Variants in KIAA0825 observed in about 807,000 individuals in gnomAD.
KIAA0825 encodes uncharacterized protein KIAA0825.
In KIAA0825, 119 loss-of-function variants were observed where a neutral mutation model predicts 147.6. The observed-to-expected ratio is 0.81, with a 90% CI of 0.69 to 0.94. KIAA0825 has a LOEUF of 0.94. Ranked by LOEUF, KIAA0825 falls within the 40% of genes least tolerant of loss-of-function variation. The pLI, the probability that KIAA0825 is intolerant of heterozygous loss-of-function variation, is 0.00. For missense variants in KIAA0825, 1,381 were observed against 1,472.7 expected (o/e 0.94, Z 1.02); for synonymous variants, 470 against 518.1 (o/e 0.91, Z 1.26).
At chr5:94,571,081 T>C (rs1324839447) in intron 2 of KIAA0825, among the ~76,000 whole-genome samples, 17 of 152,212 alleles carry the variant, frequency 1.1e-4, no homozygotes, top group Admixed American at 1.0e-3. Context: ...TAATTATGAA[T>C]TACTGTGTGC....
intron 20 of KIAA0825, among the ~76,000 whole-genome samples, chr5:94,314,804 C>A (rs1040221047): frequency 3.3e-5 from 5 of 151,568 alleles, no homozygotes; most frequent in Non-Finnish European, 7.4e-5. Flanking sequence ...ATTCCTCCCC[C>A]AAAAGGCCGG....
chr5:94,449,184 C>G (rs982803764), intron 13 of KIAA0825, among the ~76,000 whole-genome samples: 4 of 152,070 alleles, frequency 2.6e-5, no homozygotes, highest in African/African-American at 9.7e-5. Context: ...ATAACTAAGT[C>G]TTAAAGACAC....
At chr5:94,421,062 T>A (rs1257196140) in intron 14 of KIAA0825, among the ~76,000 whole-genome samples, 1 of 152,214 alleles carries the variant, frequency 6.6e-6, no homozygotes, top group Non-Finnish European at 1.5e-5. Flanking sequence ...CTTTTTGGCA[T>A]ATCTTTTCTG....
intron 20 of KIAA0825, among the ~76,000 whole-genome samples, chr5:94,290,977 GTTGT>G (rs1381321922): frequency 6.6e-6 from 1 of 152,114 alleles, no homozygotes; most frequent in Non-Finnish European, 1.5e-5. Context: ...TTTTGATACA[GTTGT>G]TTGTTTTTTT....
At chr5:94,342,276 C>T (rs1317408400) in intron 20 of KIAA0825, among the ~76,000 whole-genome samples, 1 of 151,838 alleles carries the variant, frequency 6.6e-6, no homozygotes, top group Non-Finnish European at 1.5e-5. Context: ...AGAGATACAG[C>T]TAGTAAAATA....
At chr5:94,292,827 G>A (rs1234465011) in intron 20 of KIAA0825, among the ~76,000 whole-genome samples, 3 of 151,934 alleles carry the variant, frequency 2.0e-5, no homozygotes, top group Admixed American at 6.6e-5. Flanking sequence ...ACTTTTTCCT[G>A]GTTTAGTCTT....
chr5:94,317,915 A>G (rs1779799021), intron 20 of KIAA0825, among the ~76,000 whole-genome samples: 1 of 151,886 alleles, frequency 6.6e-6, no homozygotes, highest in Non-Finnish European at 1.5e-5. Flanking sequence ...ACAATGCCTC[A>G]TGTTAAAATA....
intron 20 of KIAA0825, among the ~76,000 whole-genome samples, chr5:94,233,298 G>A (rs974783312): frequency 1.3e-5 from 2 of 152,118 alleles, no homozygotes; most frequent in Non-Finnish European, 2.9e-5. Context: ...GAGAAGCATC[G>A]GGACAACTCT....
chr5:94,536,011 C>A (rs1771934662), intron 3 of KIAA0825, among the ~76,000 whole-genome samples: 1 of 152,160 alleles, frequency 6.6e-6, no homozygotes, highest in Non-Finnish European at 1.5e-5. Flanking sequence ...TAGTGAACTG[C>A]CTGAAATGCA....
intron 17 of KIAA0825, among the ~76,000 whole-genome samples, chr5:94,392,991 A>G (rs1040076776): frequency 6.6e-6 from 1 of 152,208 alleles, no homozygotes; most frequent in Non-Finnish European, 1.5e-5. Flanking sequence ...GCAAAAAAAA[A>G]AAAAATTCTT....
At chr5:94,417,494 A>T in intron 14 of KIAA0825, 129 bp from the exon 15 acceptor site, 1 of 668,680 alleles carries the variant, frequency 1.5e-6, no homozygotes, top group Non-Finnish European at 2.4e-6. Context: ...ACATAAAAAG[A>T]GAATTACCAG....
chr5:94,291,064 T>G (rs945981425), intron 20 of KIAA0825, among the ~76,000 whole-genome samples: 6 of 152,196 alleles, frequency 3.9e-5, no homozygotes, highest in Non-Finnish European at 7.3e-5. Context: ...TTGCAAAAAT[T>G]TTCTCCCATT....
chr5:94,236,725 T>G (rs1775061854), intron 20 of KIAA0825, among the ~76,000 whole-genome samples: 1 of 152,202 alleles, frequency 6.6e-6, no homozygotes, highest in Admixed American at 6.5e-5. Context: ...CACCCCAACC[T>G]TCAGCAACCA....
intron 20 of KIAA0825, among the ~76,000 whole-genome samples, chr5:94,227,160 A>C (rs1190757540): frequency 6.6e-6 from 1 of 152,256 alleles, no homozygotes; most frequent in Admixed American, 6.5e-5. Flanking sequence ...ATGTCCAACA[A>C]TGATAGACTG....
At chr5:94,424,887 T>G (rs1754649245) in intron 14 of KIAA0825, among the ~76,000 whole-genome samples, 1 of 152,136 alleles carries the variant, frequency 6.6e-6, no homozygotes, top group African/African-American at 2.4e-5. Context: ...TTGGAAGACC[T>G]GGAAGAAACG....
chr5:94,429,378 A>G (rs1755339882), intron 14 of KIAA0825, among the ~76,000 whole-genome samples: 1 of 141,738 alleles, frequency 7.1e-6, no homozygotes, highest in African/African-American at 2.5e-5. Flanking sequence ...CTTTCCTAGA[A>G]TGTTTTTTTT....
intron 20 of KIAA0825, among the ~76,000 whole-genome samples, chr5:94,266,870 A>G (rs1434580191): frequency 6.6e-6 from 1 of 152,220 alleles, no homozygotes; most frequent in Non-Finnish European, 1.5e-5. Context: ...ACCTACATAA[A>G]CAAAAGTTCT....
At chr5:94,423,061 T>C (rs1754403980) in intron 14 of KIAA0825, among the ~76,000 whole-genome samples, 1 of 152,104 alleles carries the variant, frequency 6.6e-6, no homozygotes, top group African/African-American at 2.4e-5. Flanking sequence ...CTGCAAAGGG[T>C]TGCATTCTGG....
intron 20 of KIAA0825, among the ~76,000 whole-genome samples, chr5:94,205,299 A>ATATATATATATATATTTTTT (rs1254935243): frequency 7.3e-6 from 1 of 137,912 alleles, no homozygotes; most frequent in Non-Finnish European, 1.5e-5. Flanking sequence ...ATATATATAT[A>ATATATATATATATATTTTTT]TTTTGTTTTG....
Sources: allele counts gnomAD v4.1 joint callset (sites outside exome capture counted in the v4.1 genomes callset), GRCh38; gene constraint gnomAD v4.1.1; transcripts MANE v1.5; gene names NCBI Gene and HGNC (gene_info 2026-07-23, HGNC 2026-07-21).